SPAG16: variants seen among roughly 807,000 people sequenced by gnomAD.
The protein encoded by SPAG16 is sperm associated antigen 16.
In SPAG16, 86 loss-of-function variants were observed where a neutral mutation model predicts 80.4. The observed-to-expected ratio is 1.07, with a 90% CI of 0.90 to 1.28. The LOEUF is 1.28. Ranked by LOEUF, SPAG16 falls within the 50% of genes most tolerant of loss-of-function variation. The pLI, the probability that SPAG16 is intolerant of heterozygous loss-of-function variation, is 0.00. For missense variants in SPAG16, 870 were observed against 765.3 expected, an observed-to-expected ratio of 1.14 and a Z score of -1.61; for synonymous variants, 294 against 265.9, an observed-to-expected ratio of 1.11 and a Z score of -1.03.
At chr2:213,730,941 G>A (rs1395107186) in intron 10 of SPAG16, among the ~76,000 whole-genome samples, 1 of 151,922 alleles carries the variant, frequency 6.6e-6, no homozygotes, top group African/African-American at 2.4e-5. Flanking sequence ...TTCCTTTACT[G>A]TGCCAAGACT....
intron 15 of SPAG16, among the ~76,000 whole-genome samples, chr2:214,156,241 C>T (rs958732832): frequency 6.6e-6 from 1 of 152,188 alleles, no homozygotes; most frequent in Admixed American, 6.5e-5. Flanking sequence ...ATTCTCATTA[C>T]ATCTGTTTTC....
intron 10 of SPAG16, among the ~76,000 whole-genome samples, chr2:213,585,009 C>A (rs765673656): frequency 6.6e-6 from 1 of 150,848 alleles, no homozygotes; most frequent in Admixed American, 6.6e-5. Flanking sequence ...GCCAACATGG[C>A]GAAACCCCAT....
At chr2:213,446,126 G>A (rs1212988154) in intron 9 of SPAG16, among the ~76,000 whole-genome samples, 2 of 152,096 alleles carry the variant, frequency 1.3e-5, no homozygotes, top group African/African-American at 4.8e-5. Flanking sequence ...AAGGTTAAAG[G>A]AACATCAGCC....
chr2:213,845,199 CT>C (rs10547272), intron 10 of SPAG16, among the ~76,000 whole-genome samples: 52,541 of 130,038 alleles, frequency 0.4, 9,065 homozygotes, highest in East Asian at 0.49. Context: ...ATCTAGTGTT[CT>C]TTTTTTTTTT....
chr2:214,150,197 A>G lies in SPAG16; in HGVS notation c.1720+931A>G, dbSNP rs541725299. Among the ~76,000 whole-genome samples, 3 of 152,236 alleles carry G rather than the reference A, an allele frequency of 2.0e-5. No homozygotes were observed. In the South Asian group the frequency reaches 6.2e-4, roughly 32 times the overall value. On this transcript the variant is annotated intron_variant, in intron 15 of 15. Coordinates refer to ENST00000331683, the MANE Select transcript of SPAG16 (RefSeq NM_024532.5). ...TCTTTAGTCCAGAAAGTATGAATAT[A>G]CCAGGAGTAATTCTAGAGCCAGAAG...
chr2:213,593,871 T>C (rs911636794), intron 10 of SPAG16, among the ~76,000 whole-genome samples: 7 of 145,336 alleles, frequency 4.8e-5, no homozygotes, highest in Non-Finnish European at 9.0e-5. Context: ...GCCTCCCCGG[T>C]TCCCGCTATT....
At chr2:213,390,291 T>A (rs772136638) in intron 9 of SPAG16, among the ~76,000 whole-genome samples, 2 of 152,164 alleles carry the variant, frequency 1.3e-5, no homozygotes, top group South Asian at 4.1e-4. Context: ...TGAAAAGAAT[T>A]CTAGGAGATG....
intron 12 of SPAG16, among the ~76,000 whole-genome samples, chr2:213,948,261 A>C (rs956201676): frequency 3.9e-4 from 59 of 152,152 alleles, no homozygotes; most frequent in African/African-American, 1.2e-3. Context: ...GTGAGTTTTT[A>C]TGACCTTAAG....
intron 14 of SPAG16, among the ~76,000 whole-genome samples, chr2:214,132,802 TA>T (rs972895455): frequency 1.3e-5 from 2 of 152,122 alleles, no homozygotes; most frequent in African/African-American, 4.8e-5. Context: ...AATTTGCATT[TA>T]AAAATGACTG....
intron 15 of SPAG16, among the ~76,000 whole-genome samples, chr2:214,375,634 T>C (rs1177481394): frequency 1.3e-5 from 2 of 152,192 alleles, no homozygotes; most frequent in Non-Finnish European, 2.9e-5. Flanking sequence ...TATGGTAAAG[T>C]TGTGGTAACT....
chr2:213,946,981 T>C (rs1163801257), intron 12 of SPAG16, among the ~76,000 whole-genome samples: 2 of 152,284 alleles, frequency 1.3e-5, no homozygotes, highest in East Asian at 3.9e-4. Flanking sequence ...TTTTTTTTCA[T>C]TTAGCATAAT....
chr2:213,942,293 T>C (rs2079236746), intron 12 of SPAG16, among the ~76,000 whole-genome samples: 1 of 152,218 alleles, frequency 6.6e-6, no homozygotes. Context: ...ACTCACAAGT[T>C]GAATTCAACT....
At chr2:213,333,706 C>T (rs1424152300) in intron 5 of SPAG16, among the ~76,000 whole-genome samples, 1 of 152,064 alleles carries the variant, frequency 6.6e-6, no homozygotes, top group Non-Finnish European at 1.5e-5. Flanking sequence ...CACATACCTA[C>T]AGTGAACACA....
chr2:213,693,481 A>T (rs1475405916), intron 10 of SPAG16, among the ~76,000 whole-genome samples: 1 of 152,058 alleles, frequency 6.6e-6, no homozygotes, highest in Non-Finnish European at 1.5e-5. Context: ...TACAATCTGC[A>T]CATTAAAAAC....
chr2:213,396,811 G>C, intron 9 of SPAG16: 1 of 283,188 alleles, frequency 3.5e-6, no homozygotes, highest in Non-Finnish European at 7.3e-6. Context: ...CCCTTTATCT[G>C]TGTTCTTTAC....
intron 9 of SPAG16, among the ~76,000 whole-genome samples, chr2:213,452,222 G>T (rs2125580079): frequency 6.6e-6 from 1 of 152,218 alleles, no homozygotes; most frequent in South Asian, 2.1e-4. Flanking sequence ...CAATTTCTGA[G>T]CTGCTTTTTG....
intron 10 of SPAG16, among the ~76,000 whole-genome samples, chr2:213,615,990 C>T (rs564174517): frequency 5.3e-5 from 8 of 152,236 alleles, no homozygotes; most frequent in African/African-American, 1.2e-4. Context: ...AGCAAACCAC[C>T]ATGGCACATG....
rs2075913963 is a variant in SPAG16, at chr2:213,870,753, G to A, written c.1214+8125G>A. Among the ~76,000 whole-genome samples the A allele has an allele frequency of 2.0e-5, 3 of 152,104 alleles. No homozygotes were observed. The South Asian group carries it at 6.2e-4, about 32-fold the overall frequency. ...TTGGCAGAAGTAGGATTCTAACCTA[G>A]GTCTGGTTTGCTGTAAAACTAGTAT... On this transcript the variant is annotated intron_variant, in intron 11 of 15. Transcript: ENST00000331683.
At chr2:214,005,577 T>C (rs934923081) in intron 12 of SPAG16, among the ~76,000 whole-genome samples, 3 of 152,208 alleles carry the variant, frequency 2.0e-5, no homozygotes, top group Non-Finnish European at 1.5e-5. Context: ...TGGTGAATCT[T>C]ATGGTAGAGC....
Sources: allele counts gnomAD v4.1 joint callset (sites outside exome capture counted in the v4.1 genomes callset), GRCh38; gene constraint gnomAD v4.1.1; transcripts MANE v1.5; gene names NCBI Gene and HGNC (gene_info 2026-07-23, HGNC 2026-07-21).